Variants in ZNF177 observed in about 807,000 individuals in gnomAD.
The protein encoded by ZNF177 is zinc finger protein 177.
Under a neutral mutation model 19.4 loss-of-function variants are expected in ZNF177, and 17 were observed. The ratio of observed to expected loss-of-function variants is 0.87; its 90% confidence interval spans 0.60 to 1.31. The LOEUF is 1.31. ZNF177 is among the 40% of genes most tolerant of loss of function. The pLI is 0.00. For synonymous variants in ZNF177, 220 were observed against 188.7 expected, an observed-to-expected ratio of 1.17 and a Z score of -1.36; for missense variants, 633 against 561.8, an observed-to-expected ratio of 1.13 and a Z score of -1.28.
chr19:9,366,577 G>T (rs2067983087), intron 2 of ZNF177, among the ~76,000 whole-genome samples: 1 of 152,194 alleles, frequency 6.6e-6, no homozygotes, highest in African/African-American at 2.4e-5. Context: ...ATTGTCAAAT[G>T]ATAGTCCATT....
At chr19:9,372,540 C>CTTTTTTTTTTT (rs61321271), upstream of ZNF177, among the ~76,000 whole-genome samples, 3 of 84,574 alleles carry the variant, frequency 3.5e-5, no homozygotes, top group Non-Finnish European at 4.1e-5. Context: ...CTTTCTTTTC[C>CTTTTTTTTTTT]TTTTTTTTTT....
chr19:9,376,729 A>G (rs1258191113), intron 1 of ZNF177, among the ~76,000 whole-genome samples: 2 of 152,118 alleles, frequency 1.3e-5, no homozygotes, highest in African/African-American at 4.8e-5. Context: ...ACATCTTTCT[A>G]TATTGTATAT....
intron 3 of ZNF177, 140 bp from the exon 6 acceptor site, chr19:9,379,387 C>T: frequency 1.4e-5 from 18 of 1,256,424 alleles, no homozygotes; most frequent in Non-Finnish European, 1.8e-5. Context: ...AAGAGCTCGG[C>T]TCTGATTGTT....
chr19:9,382,438 G>A (rs1439664582), downstream of ZNF177: 9 of 398,576 alleles, frequency 2.3e-5, no homozygotes, highest in East Asian at 3.2e-4. Flanking sequence ...GAAACAACAG[G>A]GGAGATACAA....
In ZNF177 at chr19:9,364,123, A is replaced by C. The variant is rs892816108; in HGVS notation, c.-391-739A>C. The stretch of plus-strand genomic sequence containing the variant: ...TTTCATTGCCCCAAAAGAGAATCCC[A>C]TACTCATCAGCAGTTACTCCCCCAT... On this transcript the variant is annotated intron_variant, in intron 1 of 8. Transcript: ENST00000343499. Among the ~76,000 whole-genome samples, 83 of 152,178 alleles carry C rather than the reference A, an allele frequency of 5.5e-4. 1 individual carries two copies. Among genetic ancestry groups the C allele is most frequent in the Admixed American group, 4.6e-4 (7 of 15,278 alleles).
chr19:9,379,622 G>GAGCCTTGGGCAGAACAGGGTGC lies in ZNF177; in HGVS notation c.253+12_253+33dup, dbSNP rs1568384654. 6.2e-7 allele frequency: 1 copy of GAGCCTTGGGCAGAACAGGGTGC among 1,613,294 alleles called. No individual in the cohort carries two copies. On this transcript the variant is annotated splice_donor_region_variant and intron_variant, in intron 4 of 5. Transcript: ENST00000589262. ...AATTTTACAAGGTGACTGTGCAGGT[G>GAGCCTTGGGCAGAACAGGGTGC]AGCCTTGGGCAGAACAGGGTGCAGC...
At chr19:9,364,913 A>G (rs970663963) in exon 2 of ZNF177, 3 of 152,214 alleles carry the variant, frequency 2.0e-5, no homozygotes, top group Non-Finnish European at 4.4e-5. Context: ...TCTGACGAGC[A>G]AGGGGAAGGT....
chr19:9,381,162 T>G (rs768364813), exon 6 of ZNF177: 6 of 1,614,066 alleles, frequency 3.7e-6, no homozygotes, highest in African/African-American at 2.7e-5. Context: ...GTGTCAGAAC[T>G]CACTCTGGAG....
At chr19:9,368,578 G>A (rs756488606) in intron 2 of ZNF177, among the ~76,000 whole-genome samples, 10 of 151,920 alleles carry the variant, frequency 6.6e-5, no homozygotes, top group Admixed American at 1.3e-4. Flanking sequence ...TGCTCTTCCC[G>A]TTCCAGCTGC....
chr19:9,372,161 C>T (rs1238831383), upstream of ZNF177, among the ~76,000 whole-genome samples: 1 of 152,090 alleles, frequency 6.6e-6, no homozygotes, highest in Admixed American at 6.6e-5. Context: ...AGAGATAGGT[C>T]GATTTGCTTG....
intron 1 of ZNF177, 31 bp downstream of exon 1, chr19:9,363,115 G>A (rs1246656357): frequency 6.6e-6 from 1 of 152,506 alleles, no homozygotes; most frequent in Non-Finnish European, 1.5e-5. Flanking sequence ...CGGCGGAATC[G>A]GGAGGGAAGG....
At chr19:9,365,801 AAAT>A (rs1484425593) in intron 2 of ZNF177, among the ~76,000 whole-genome samples, 1 of 152,278 alleles carries the variant, frequency 6.6e-6, no homozygotes, top group East Asian at 1.9e-4. Context: ...GCCAAGATTG[AAAT>A]GAGAAAGAGG....
intron 3 of ZNF177, chr19:9,379,303 C>T (rs2068155256): frequency 9.3e-7 from 1 of 1,076,726 alleles, no homozygotes; most frequent in Non-Finnish European, 1.3e-6. Flanking sequence ...CAATCTGTGT[C>T]TCATCTTGTG....
chr19:9,364,740 G>A (rs10404549), intron 1 of ZNF177, 122 bp from the exon 2 acceptor site: 82,962 of 151,876 alleles, frequency 0.55, 22,837 homozygotes, highest in Middle Eastern at 0.62. Context: ...CAGCTAGGGC[G>A]GCAGTCGTCA....
chr19:9,377,317 T>C (rs989886612), intron 1 of ZNF177, among the ~76,000 whole-genome samples: 103 of 152,240 alleles, frequency 6.8e-4, no homozygotes, highest in African/African-American at 2.4e-3. Flanking sequence ...ACATTACTGG[T>C]TTATATATTT....
chr19:9,379,031 C>A, exon 3 of ZNF177: 1 of 1,610,640 alleles, frequency 6.2e-7, no homozygotes, highest in African/African-American at 1.3e-5. Flanking sequence ...GGACCCTGCT[C>A]AAAAAAATCT....
chr19:9,374,666 ATAGT>A (rs2068087787), upstream of ZNF177, among the ~76,000 whole-genome samples: 1 of 150,920 alleles, frequency 6.6e-6, no homozygotes, highest in Non-Finnish European at 1.5e-5. Flanking sequence ...TTTTTTTTAG[ATAGT>A]TTGTTAGAAA....
At chr19:9,363,451 G>C (rs1432382474) in intron 1 of ZNF177, among the ~76,000 whole-genome samples, 1 of 152,212 alleles carries the variant, frequency 6.6e-6, no homozygotes, top group Admixed American at 6.5e-5. Context: ...CTTGGGATGC[G>C]CGTTATTGGT....
At chr19:9,375,547 C>T (rs2068098239), upstream of ZNF177, among the ~76,000 whole-genome samples, 2 of 152,084 alleles carry the variant, frequency 1.3e-5, no homozygotes, top group South Asian at 4.1e-4. Context: ...ATTTATGATT[C>T]AGTCTTAGCA....
Sources: allele counts gnomAD v4.1 joint callset (sites outside exome capture counted in the v4.1 genomes callset), GRCh38; gene constraint gnomAD v4.1.1; transcripts MANE v1.5; gene names NCBI Gene and HGNC (gene_info 2026-07-23, HGNC 2026-07-21).